The following NFATC1 variants were observed in gnomAD, a reference collection of about 807,000 sequenced individuals.
NFATC1 encodes the protein nuclear factor of activated T-cells, cytoplasmic 1.
NFATC1 carries 22 observed loss-of-function variants against 76.0 expected under a neutral mutation model. That is an observed-to-expected ratio of 0.29 (90% CI 0.21 to 0.41). The LOEUF is 0.41. Among genes scored for constraint, NFATC1 ranks in the 10% least tolerant of loss-of-function variants. NFATC1 has a pLI of 1.00. For synonymous variants in NFATC1, 704 were observed against 613.1 expected (o/e 1.15, Z -2.19); for missense variants, 1,357 against 1,337.7 (o/e 1.01, Z -0.23).
intron 3 of NFATC1, among the ~76,000 whole-genome samples, chr18:79,436,498 T>G (rs2086781262): frequency 6.6e-6 from 1 of 152,194 alleles, no homozygotes; most frequent in Admixed American, 6.5e-5. Flanking sequence ...AGGGGCACGC[T>G]GTGCCCCCGC....
chr18:79,467,761 G>A (rs1187347412), intron 8 of NFATC1, 179 bp downstream of exon 8: 7 of 986,726 alleles, frequency 7.1e-6, no homozygotes, highest in Non-Finnish European at 8.3e-6. Flanking sequence ...GGGAAGCTTC[G>A]GATGCATTTT....
At chr18:79,469,737 C>T (rs956257947) in intron 8 of NFATC1, 7 of 985,674 alleles carry the variant, frequency 7.1e-6, no homozygotes, top group South Asian at 9.4e-5. Context: ...TCTTTGCCTC[C>T]GTCGTCTCTT....
intron 6 of NFATC1, among the ~76,000 whole-genome samples, chr18:79,460,860 C>T (rs938756058): frequency 6.6e-6 from 1 of 152,146 alleles, no homozygotes; most frequent in Non-Finnish European, 1.5e-5. Flanking sequence ...CCCAGGTCCA[C>T]GCACAGACGC....
intron 9 of NFATC1, among the ~76,000 whole-genome samples, chr18:79,522,893 G>C (rs1283989761): frequency 6.6e-6 from 1 of 152,208 alleles, no homozygotes; most frequent in Non-Finnish European, 1.5e-5. Context: ...TAACACTGTG[G>C]CTTGCCCAGC....
chr18:79,506,981 C>T (rs886135196), intron 9 of NFATC1, among the ~76,000 whole-genome samples: 23 of 152,334 alleles, frequency 1.5e-4, no homozygotes, highest in Non-Finnish European at 2.2e-4. Context: ...GCCCCGGACC[C>T]ATAATCAAAG....
intron 3 of NFATC1, among the ~76,000 whole-genome samples, chr18:79,435,440 C>T (rs1032997646): frequency 6.6e-6 from 1 of 151,860 alleles, no homozygotes; most frequent in African/African-American, 2.4e-5. Flanking sequence ...CCTCTGTCTC[C>T]TGGGTTCAAG....
At chr18:79,463,710 C>T (rs375519064) in intron 7 of NFATC1, among the ~76,000 whole-genome samples, 303 of 152,354 alleles carry the variant, frequency 2.0e-3, no homozygotes, top group African/African-American at 6.7e-3. Context: ...TCTGGCTCTC[C>T]GTCCCTCTGC....
At chr18:79,448,642 A>G in intron 3 of NFATC1, 140 bp from the exon 4 acceptor site, 2 of 769,152 alleles carry the variant, frequency 2.6e-6, no homozygotes, top group Non-Finnish European at 4.2e-6. Flanking sequence ...AGACACCAGT[A>G]TGACATGGCA....
rs781370439 is a variant in NFATC1, at chr18:79,400,380, G to GCCCCGGCCCGA, written c.127+4032_127+4033insCGGCCCGACCC. The GCCCCGGCCCGA allele has an allele frequency of 3.4e-6, 5 of 1,477,038 alleles. No homozygotes were observed. In the South Asian group the frequency reaches 5.2e-5, roughly 15 times the overall value. The allele number at this position is 1,477,038 out of a possible 1,614,324, so 91.5% of individuals were successfully genotyped here. On this transcript the variant is annotated intron_variant, in intron 1 of 9. Transcript: ENST00000427363. ...GACCCCGGCTCCCGCCCCGGCCCCG[G>GCCCCGGCCCGA]CCCGACCCGCCATGACGGGGCTGGA...
At chr18:79,398,544 G>C (rs571541475) in intron 1 of NFATC1, among the ~76,000 whole-genome samples, 6 of 152,274 alleles carry the variant, frequency 3.9e-5, no homozygotes, top group African/African-American at 1.4e-4. Context: ...GGCGGGGGAA[G>C]GGGGGGCTCC....
In NFATC1 at chr18:79,411,211, C is replaced by T. The variant is rs781177086; in HGVS notation, c.936C>T (p.Ile312=). Residue 312 remains isoleucine (I), a synonymous_variant, in exon 2 of 10, where the codon ATC becomes ATT. Coordinates refer to ENST00000427363, the MANE Select transcript of NFATC1 (RefSeq NM_001278669.2). Reference sequence around the variant, plus strand: ...CCACCCAGTACACCAGCTCGGCCATCGTGGCCGCCATCAACGCGCTGACCA... The same window carrying T: ...CCACCCAGTACACCAGCTCGGCCATTGTGGCCGCCATCAACGCGCTGACCA... ...GNTTQYTSSA[I]VAAINALTTD... is the part of the protein sequence containing the mutation. 1.1e-5 allele frequency: 18 copies of T among 1,608,746 alleles called. No homozygotes were observed. Among genetic ancestry groups the T allele is most frequent in the East Asian group, 4.5e-5 (2 of 44,872 alleles).
chr18:79,510,421 G>A (rs981603807), intron 9 of NFATC1, among the ~76,000 whole-genome samples: 13 of 152,220 alleles, frequency 8.5e-5, no homozygotes, highest in Admixed American at 3.9e-4. Flanking sequence ...AATAATTCAC[G>A]TTTAAATCAC....
chr18:79,443,048 G>A (rs1003725621), intron 3 of NFATC1, among the ~76,000 whole-genome samples: 9 of 152,194 alleles, frequency 5.9e-5, no homozygotes, highest in African/African-American at 1.9e-4. Context: ...TCCCGGTCAG[G>A]ACTGAGCCTG....
intron 6 of NFATC1, among the ~76,000 whole-genome samples, chr18:79,458,600 G>T (rs2087876422): frequency 6.6e-6 from 1 of 152,252 alleles, no homozygotes; most frequent in Admixed American, 6.5e-5. Flanking sequence ...ATTCCCTAAT[G>T]ATCTGGAATA....
intron 8 of NFATC1, chr18:79,470,513 G>A (rs765671778): frequency 6.6e-6 from 1 of 152,214 alleles, no homozygotes; most frequent in Non-Finnish European, 1.5e-5. Context: ...AAGTCTCATT[G>A]TAGGTTTTCC....
At chr18:79,519,583 C>T (rs1309047364) in intron 9 of NFATC1, among the ~76,000 whole-genome samples, 2 of 152,192 alleles carry the variant, frequency 1.3e-5, no homozygotes, top group Admixed American at 1.3e-4. Context: ...AAGTGATCCT[C>T]CCGCCTTGGC....
intron 2 of NFATC1, among the ~76,000 whole-genome samples, chr18:79,418,326 GCCTAGTCACAA>G (rs1192018103): frequency 1.3e-5 from 2 of 152,200 alleles, no homozygotes; most frequent in African/African-American, 4.8e-5. Flanking sequence ...GTCCAGGGTG[GCCTAGTCACAA>G]CCAACAGAAC....
intron 3 of NFATC1, among the ~76,000 whole-genome samples, chr18:79,442,455 C>G (rs913793256): frequency 6.6e-6 from 1 of 152,214 alleles, no homozygotes; most frequent in African/African-American, 2.4e-5. Flanking sequence ...CAACATCCTT[C>G]CAGCACCTTC....
rs1254397317 is a variant in NFATC1, at chr18:79,528,178, T to C, written c.*601T>C. On this transcript the variant is annotated 3_prime_UTR_variant, in exon 10 of 10. Coordinates refer to ENST00000427363, the MANE Select transcript of NFATC1 (RefSeq NM_001278669.2). ...GTGCATTTTAGAATCTTCCAGTCTG[T>C]CATCTCAGCTCTTTTGTAACATGCT... The C allele has an allele frequency of 2.7e-6, 1 of 375,666 alleles. No homozygotes were observed. Among genetic ancestry groups the C allele is most frequent in the African/African-American group, 2.1e-5 (1 of 48,306 alleles). The allele number at this position is 375,666 out of a possible 1,614,324, so 23.3% of individuals were successfully genotyped here. A position where few individuals can be genotyped will look rare whatever the true frequency, so the allele number is the denominator to read the frequency against.
Sources: gnomAD v4.1 joint callset for allele counts (sites outside exome capture counted in the v4.1 genomes callset) on GRCh38, gnomAD v4.1.1 for gene constraint, MANE v1.5 for transcripts, NCBI Gene and HGNC (gene_info 2026-07-23, HGNC 2026-07-21) for gene names.